Variants in PTPRN2 observed in about 807,000 individuals in gnomAD.
The protein encoded by PTPRN2 is protein tyrosine phosphatase receptor type N2.
PTPRN2 carries 74 observed loss-of-function variants against 118.8 expected under a neutral mutation model. The ratio of observed to expected loss-of-function variants is 0.62; its 90% CI spans 0.52 to 0.76. The LOEUF (loss-of-function observed/expected upper bound fraction) is 0.76, where lower values mean the gene tolerates loss of function less well. Among genes scored for constraint, PTPRN2 ranks in the 30% least tolerant of loss-of-function variants. The pLI, the probability that PTPRN2 is intolerant of heterozygous loss-of-function variation, is 0.00. For missense variants in PTPRN2, 1,481 were observed against 1,394.4 expected (o/e 1.06, Z -0.99); for synonymous variants, 641 against 608.0 (o/e 1.05, Z -0.80).
At chr7:158,317,881 CGACGGGGCCGGGT>C (rs1563129016) in intron 2 of PTPRN2, among the ~76,000 whole-genome samples, 1 of 152,214 alleles carries the variant, frequency 6.6e-6, no homozygotes. Context: ...ATGCTCACGA[CGACGGGGCCGGGT>C]GATTAGCAGA....
chr7:158,570,482 G>A lies in PTPRN2; in HGVS notation c.112+17076C>T, dbSNP rs1448066977. 2.0e-5 allele frequency among the ~76,000 whole-genome samples: 3 copies of A among 152,100 alleles called. No individual in the cohort carries two copies. The highest frequency in any genetic ancestry group is 1.9e-4 in the East Asian group (1 of 5,174). On this transcript the variant is annotated intron_variant, in intron 1 of 22. Transcript: ENST00000389418. This position sits in a 1 kb window ranked among gnomAD's most constrained non-coding sequence, Gnocchi z 4.5. ...CTCTGCACCGTGAGAAAGCGGCTTC[G>A]GCAGCTCCGACCCCTCAACTGACGC...
At chr7:157,840,198 CGCGTGTG>C (rs1808287423) in intron 12 of PTPRN2, among the ~76,000 whole-genome samples, 1 of 121,016 alleles carries the variant, frequency 8.3e-6, no homozygotes, top group African/African-American at 3.3e-5. Flanking sequence ...TGACTGTGAC[CGCGTGTG>C]ACTGTGTGGC....
intron 11 of PTPRN2, among the ~76,000 whole-genome samples, chr7:157,928,117 A>G (rs183259917): frequency 2.6e-5 from 4 of 152,296 alleles, no homozygotes; most frequent in Admixed American, 6.5e-5. Flanking sequence ...ATGTGAATTC[A>G]CACGTTTAAC....
At chr7:158,037,347 G>A (rs930051319) in intron 11 of PTPRN2, among the ~76,000 whole-genome samples, 3 of 152,122 alleles carry the variant, frequency 2.0e-5, no homozygotes, top group East Asian at 1.9e-4. Flanking sequence ...GACATACATC[G>A]TTAGCTGATG....
At chr7:158,413,522 T>G (rs7794256) in intron 2 of PTPRN2, among the ~76,000 whole-genome samples, 69,987 of 152,142 alleles carry the variant, frequency 0.46, 16,734 homozygotes, top group African/African-American at 0.5. Flanking sequence ...CTAACACAGA[T>G]GAGGATCTCT....
intron 3 of PTPRN2, among the ~76,000 whole-genome samples, chr7:158,291,427 G>A (rs1028838099): frequency 1.3e-5 from 2 of 151,966 alleles, no homozygotes; most frequent in Admixed American, 1.3e-4. Context: ...ATTTTGTTTG[G>A]GTTTTTTTAG....
chr7:157,919,087 T>C (rs11980939), intron 11 of PTPRN2, among the ~76,000 whole-genome samples: 14,993 of 152,174 alleles, frequency 0.099, 2,372 homozygotes, highest in African/African-American at 0.33. Context: ...CCCACAAGGG[T>C]CCTACAGCGG....
intron 6 of PTPRN2, among the ~76,000 whole-genome samples, chr7:158,153,873 G>A (rs1821438860): frequency 7.3e-6 from 1 of 137,672 alleles, no homozygotes; most frequent in Non-Finnish European, 1.6e-5. Context: ...CGGCTGGTGG[G>A]GAGGAGGGGG....
chr7:158,122,104 C>T (rs1190626795), intron 9 of PTPRN2, among the ~76,000 whole-genome samples: 2 of 152,202 alleles, frequency 1.3e-5, no homozygotes, highest in African/African-American at 4.8e-5. Flanking sequence ...CCCTCAATAC[C>T]TGGACACTAA....
chr7:158,283,789 C>T lies in PTPRN2; in HGVS notation c.277+33030G>A, dbSNP rs147236009. Among the ~76,000 whole-genome samples the T allele has an allele frequency of 9.9e-3, 1,513 of 152,208 alleles. 10 individuals carry two copies. Among genetic ancestry groups the T allele is most frequent in the Middle Eastern group, 0.031 (9 of 294 alleles). ...GCCACTCAAAGCCACCAGCCCCTCC[C>T]TAATGGCCTCCTGAGCACCAGAAAT... On this transcript the variant is annotated intron_variant, in intron 3 of 22. Transcript: ENST00000389418.
intron 19 of PTPRN2, among the ~76,000 whole-genome samples, chr7:157,575,281 A>G (rs1441485297): frequency 6.6e-6 from 1 of 152,240 alleles, no homozygotes; most frequent in Non-Finnish European, 1.5e-5. Context: ...AGATTTCTAC[A>G]TAGTATGTCT....
chr7:157,729,134 C>G lies in PTPRN2; in HGVS notation c.1789-46197G>C, dbSNP rs917317660. ...AGAAGTTGATAATTGCTTTGATATA[C>G]CCATCTCTGTTTTTTTTTTTGGACA... On this transcript the variant is annotated intron_variant, in intron 12 of 22. Coordinates refer to ENST00000389418, the MANE Select transcript of PTPRN2 (RefSeq NM_002847.5). This position sits in a 1 kb window ranked among gnomAD's most constrained non-coding sequence, Gnocchi z 4.3. Among the ~76,000 whole-genome samples, 1 of 152,020 alleles carries G rather than the reference C, an allele frequency of 6.6e-6. No individual in the cohort carries two copies. The highest frequency in any genetic ancestry group is 2.4e-5 in the African/African-American group (1 of 41,404).
At chr7:158,424,381 C>T (rs911432181) in intron 2 of PTPRN2, among the ~76,000 whole-genome samples, 12 of 152,330 alleles carry the variant, frequency 7.9e-5, no homozygotes, top group African/African-American at 2.9e-4. Context: ...TGCCTGTTAA[C>T]GTTTATTGCT....
chr7:157,716,678 C>A (rs34731609), intron 12 of PTPRN2, among the ~76,000 whole-genome samples: 1 of 64,676 alleles, frequency 1.5e-5, no homozygotes, highest in Non-Finnish European at 2.8e-5. Context: ...GTAGACTCTG[C>A]GGGAACACTG....
intron 11 of PTPRN2, among the ~76,000 whole-genome samples, chr7:158,071,714 G>GGTGGAGGTGCTT (rs1811803606): frequency 1.6e-5 from 2 of 122,028 alleles, no homozygotes; most frequent in Admixed American, 8.1e-5. Flanking sequence ...AGGTGCTCCT[G>GGTGGAGGTGCTT]GTGGTGGAGG....
At chr7:158,212,181 G>T (rs910823024) in intron 3 of PTPRN2, among the ~76,000 whole-genome samples, 1 of 152,030 alleles carries the variant, frequency 6.6e-6, no homozygotes, top group Non-Finnish European at 1.5e-5. Context: ...TGAACTTATA[G>T]AGAGTAGAAC....
chr7:158,133,920 T>C lies in PTPRN2; in HGVS notation c.1313A>G (p.Glu438Gly). 6.2e-7 allele frequency: 1 copy of C among 1,613,980 alleles called. No homozygotes were observed. The highest frequency in any genetic ancestry group is 8.5e-7 in the Non-Finnish European group (1 of 1,180,048). ...SEHPESSLSS[E>G]EETAGVENVK... ...GTTCTCCACTCCGGCAGTCTCCTCT[T>C]CTGAAGACAGGGAAGACTCAGGGTG... Residue 438 changes from glutamate to glycine, a missense_variant, in exon 9 of 23, where the codon GAA (glutamate) becomes GGA (glycine). Glu to Gly is a moderately conservative substitution (Grantham distance 98). Around this residue, in one of 3 missense-constraint regions of PTPRN2, gnomAD observed 1,115 missense variants for 994.2 expected, o/e 1.12. Transcript: ENST00000389418.
intron 11 of PTPRN2, among the ~76,000 whole-genome samples, chr7:157,989,505 G>C (rs1017482813): frequency 8.4e-6 from 1 of 119,222 alleles, no homozygotes; most frequent in Non-Finnish European, 1.7e-5. Context: ...AGAAGAAAGC[G>C]GAGTCTTGTG....
intron 11 of PTPRN2, among the ~76,000 whole-genome samples, chr7:157,945,783 C>A (rs1800450091): frequency 7.1e-6 from 1 of 140,274 alleles, no homozygotes; most frequent in South Asian, 2.3e-4. Context: ...TTGGACAATG[C>A]CGCCTTCCCA....
Sources: gnomAD v4.1 joint callset for allele counts (sites outside exome capture counted in the v4.1 genomes callset) on GRCh38, gnomAD v4.1.1 for gene constraint, gnomAD v4.1.1 regional missense constraint, Gnocchi (gnomAD v3.1) non-coding constraint, MANE v1.5 for transcripts, NCBI Gene and HGNC (gene_info 2026-07-23, HGNC 2026-07-21) for gene names.